ITGA6: variants seen among roughly 807,000 people sequenced by gnomAD.
ITGA6 encodes integrin alpha-6.
In ITGA6, 63 loss-of-function variants were observed where a neutral mutation model predicts 133.6. The ratio of observed to expected loss-of-function variants is 0.47; its 90% CI spans 0.38 to 0.58. The LOEUF (loss-of-function observed/expected upper bound fraction) is 0.58, where lower values mean the gene tolerates loss of function less well. Among genes scored for constraint, ITGA6 ranks in the 20% least tolerant of loss-of-function variants. ITGA6 has a pLI of 0.00. For synonymous variants in ITGA6, 434 were observed against 482.0 expected, an observed-to-expected ratio of 0.90 and a Z score of 1.30; for missense variants, 1,068 against 1,309.4, an observed-to-expected ratio of 0.82 and a Z score of 2.85.
rs1686182950 is a variant in ITGA6, at chr2:172,476,544, T to C, written c.1388+31T>C. ...TTATCTATGATTTTAGTGTTAAGCA[T>C]GTTCTATAATCAGGTTATACTAAAA... On this transcript the variant is annotated intron_variant, in intron 9 of 25. Transcript: ENST00000684293. The C allele has an allele frequency of 3.2e-6, 4 of 1,244,982 alleles. No individual in the cohort carries two copies. In the South Asian group the frequency reaches 4.8e-5, roughly 15 times the overall value. The allele number at this position is 1,244,982 out of a possible 1,614,324, so 77.1% of individuals were successfully genotyped here.
intron 24 of ITGA6, among the ~76,000 whole-genome samples, chr2:172,498,748 T>C (rs1200688754): frequency 1.3e-5 from 2 of 152,236 alleles, no homozygotes; most frequent in Non-Finnish European, 2.9e-5. Context: ...CAAACTCTTA[T>C]TGCCCAAAGA....
intron 8 of ITGA6, 97 bp downstream of exon 8, chr2:172,475,782 T>C: frequency 1.3e-6 from 1 of 776,808 alleles, no homozygotes; most frequent in Non-Finnish European, 2.3e-6. Context: ...AAATCTTATT[T>C]TATTTACAAG....
Position 172,470,968 on chromosome 2 carries a change from C to T in ITGA6, c.644-6C>T, listed in dbSNP as rs756706602. The T allele has an allele frequency of 6.2e-7, 1 of 1,613,006 alleles. No individual in the cohort carries two copies. Among genetic ancestry groups the T allele is most frequent in the South Asian group, 1.1e-5 (1 of 91,044 alleles). On this transcript the variant is annotated splice_polypyrimidine_tract_variant and splice_region_variant and intron_variant, in intron 4 of 25. Coordinates refer to ENST00000684293, the MANE Select transcript of ITGA6 (RefSeq NM_000210.4). ...TTTTGTTGTTTTTACCATTTCATTC[C>T]TTTAGGGATTGTTCGTGTAGAGCAA...
In ITGA6 at chr2:172,427,589, G is replaced by A. The variant is rs987044808; in HGVS notation, c.-200G>A. 2 of 1,261,788 alleles carry A rather than the reference G, an allele frequency of 1.6e-6. No individual in the cohort carries two copies. Among genetic ancestry groups the A allele is most frequent in the Middle Eastern group, 3.1e-4 (1 of 3,240 alleles). The allele number at this position is 1,261,788 out of a possible 1,614,324, so 78.2% of individuals were successfully genotyped here. A position where few individuals can be genotyped will look rare whatever the true frequency, so the allele number is the denominator to read the frequency against. ...CGCCTGCGAGTCTCCAGAGAACAAC[G>A]GGCTCATTCAGCGGTCGCGAGCTGC... On this transcript the variant is annotated 5_prime_UTR_variant, in exon 1 of 26. Coordinates refer to ENST00000684293, the MANE Select transcript of ITGA6 (RefSeq NM_000210.4).
chr2:172,441,559 T>A (rs201009069), intron 1 of ITGA6, among the ~76,000 whole-genome samples: 4,685 of 48,710 alleles, frequency 0.096, 258 homozygotes, highest in East Asian at 0.18. Context: ...GCTGTCTCTT[T>A]AAAAAAAAAA....
chr2:172,487,499 T>A, intron 15 of ITGA6, 46 bp downstream of exon 15: 1 of 1,610,940 alleles, frequency 6.2e-7, no homozygotes, highest in East Asian at 2.2e-5. Context: ...AAATCAACAC[T>A]GTGTGGCAAA....
At chr2:172,471,208 G>T in intron 5 of ITGA6, 103 bp downstream of exon 5, 1 of 1,356,428 alleles carries the variant, frequency 7.4e-7, no homozygotes, top group Non-Finnish European at 1.0e-6. Context: ...GCTGAGAAGA[G>T]GCCAGGTGGG....
At chr2:172,428,117 G>T in intron 1 of ITGA6, 147 bp downstream of exon 1, 1 of 674,682 alleles carries the variant, frequency 1.5e-6, no homozygotes, top group Non-Finnish European at 2.1e-6. Flanking sequence ...AGCGCCCAGC[G>T]CGCTCGGCTC....
intron 24 of ITGA6, 40 bp downstream of exon 24, chr2:172,498,140 ATTTC>A: frequency 6.3e-7 from 1 of 1,591,412 alleles, no homozygotes; most frequent in Non-Finnish European, 8.6e-7. Context: ...AACAAACTTT[ATTTC>A]ATGTTTTAAA....
At chr2:172,499,607 C>A (rs1351506636) in intron 24 of ITGA6, among the ~76,000 whole-genome samples, 1 of 152,184 alleles carries the variant, frequency 6.6e-6, no homozygotes, top group Admixed American at 6.5e-5. Context: ...AGCAATCCTC[C>A]TGCCTTGGCC....
At chr2:172,458,100 A>G (rs1409753865) in intron 1 of ITGA6, among the ~76,000 whole-genome samples, 1 of 152,046 alleles carries the variant, frequency 6.6e-6, no homozygotes, top group African/African-American at 2.4e-5. Flanking sequence ...CTCTGTCTGG[A>G]GTAGGGGCTG....
chr2:172,451,275 G>A (rs2149016822), intron 1 of ITGA6, among the ~76,000 whole-genome samples: 1 of 151,986 alleles, frequency 6.6e-6, no homozygotes, highest in East Asian at 1.9e-4. Flanking sequence ...GACAAGACTG[G>A]CCAACATGGT....
At chr2:172,441,558 T>TAA (rs1559116474) in intron 1 of ITGA6, among the ~76,000 whole-genome samples, 3 of 64,858 alleles carry the variant, frequency 4.6e-5, no homozygotes, top group African/African-American at 1.9e-4. Context: ...CGCTGTCTCT[T>TAA]TAAAAAAAAA....
At chr2:172,450,423 G>A (rs997402553) in intron 1 of ITGA6, among the ~76,000 whole-genome samples, 1 of 152,210 alleles carries the variant, frequency 6.6e-6, no homozygotes, top group African/African-American at 2.4e-5. Context: ...AGAGCAGACA[G>A]TGAAAGTGGC....
At chr2:172,498,897 G>C (rs1464481723) in intron 24 of ITGA6, among the ~76,000 whole-genome samples, 4 of 152,206 alleles carry the variant, frequency 2.6e-5, no homozygotes, top group Non-Finnish European at 5.9e-5. Context: ...GATGTGAAGA[G>C]AGGCTACTTC....
At chr2:172,472,868 T>C (rs1559138672) in intron 5 of ITGA6, 2 of 1,607,388 alleles carry the variant, frequency 1.2e-6, no homozygotes, top group Non-Finnish European at 1.7e-6. Context: ...CATTCCCTGA[T>C]GTGATGATGA....
At position 172,427,775 on chromosome 2, in the gene ITGA6, C is replaced by G. The variant is rs144341070; in HGVS notation, c.-14C>G. The stretch of plus-strand genomic sequence containing the variant: ...CCGCTGCAGGTCCCCGCTCCCCTCC[C>G]CGTGCGTCCGCCCATGGCCGCCGCC... On this transcript the variant is annotated 5_prime_UTR_variant, in exon 1 of 26. Coordinates refer to ENST00000684293, the MANE Select transcript of ITGA6 (RefSeq NM_000210.4). 3.5e-3 allele frequency: 5,494 copies of G among 1,580,184 alleles called. 22 individuals are homozygous for G. Among genetic ancestry groups the G allele is most frequent in the Middle Eastern group, 7.7e-3 (46 of 5,972 alleles).
At chr2:172,474,693 G>A (rs571781039) in intron 6 of ITGA6, among the ~76,000 whole-genome samples, 70 of 152,292 alleles carry the variant, frequency 4.6e-4, no homozygotes, top group African/African-American at 1.6e-3. Context: ...CTTAATGGGA[G>A]TCCTGCTGTA....
intron 5 of ITGA6, among the ~76,000 whole-genome samples, chr2:172,473,805 G>A (rs1389725616): frequency 6.6e-6 from 1 of 152,136 alleles, no homozygotes; most frequent in Non-Finnish European, 1.5e-5. Context: ...CAAAATTCAA[G>A]TTATACATAG....
Sources: gnomAD v4.1 joint callset for allele counts (sites outside exome capture counted in the v4.1 genomes callset) on GRCh38, gnomAD v4.1.1 for gene constraint, MANE v1.5 for transcripts, NCBI Gene and HGNC (gene_info 2026-07-23, HGNC 2026-07-21) for gene names.